Variants in ZSCAN5A observed in about 807,000 individuals in gnomAD.
The protein encoded by ZSCAN5A is zinc finger and SCAN domain-containing protein 5A.
ZSCAN5A carries 12 observed loss-of-function variants against 23.7 expected under a neutral mutation model. That is an observed-to-expected ratio of 0.51 (90% confidence interval 0.32 to 0.82). The LOEUF (loss-of-function observed/expected upper bound fraction) is 0.82, where lower values mean the gene tolerates loss of function less well. ZSCAN5A is among the 40% of genes least tolerant of loss of function. The pLI, the probability that ZSCAN5A is intolerant of heterozygous loss-of-function variation, is 0.03. For synonymous variants in ZSCAN5A, 257 were observed against 239.9 expected (o/e 1.07, Z -0.66); for missense variants, 597 against 617.9 (o/e 0.97, Z 0.36).
chr19:56,248,848 A>G (rs1186506441), intron 2 of ZSCAN5A, among the ~76,000 whole-genome samples: 2 of 151,916 alleles, frequency 1.3e-5, no homozygotes, highest in African/African-American at 2.4e-5. Flanking sequence ...TCCCCAGCAG[A>G]GCGGTGCACC....
intron 2 of ZSCAN5A, chr19:56,321,448 A>G (rs2041374835): frequency 2.9e-6 from 2 of 681,148 alleles, no homozygotes; most frequent in African/African-American, 1.8e-5. Context: ...AACGGCATTG[A>G]TAACACACTT....
chr19:56,279,349 A>G (rs1198737595), intron 2 of ZSCAN5A, among the ~76,000 whole-genome samples: 1 of 152,134 alleles, frequency 6.6e-6, no homozygotes, highest in Non-Finnish European at 1.5e-5. Flanking sequence ...TACTTTACTC[A>G]ATCTGTTTAT....
At chr19:56,320,814 A>AG (rs1484369296) in intron 2 of ZSCAN5A, 11 of 793,208 alleles carry the variant, frequency 1.4e-5, no homozygotes, top group Non-Finnish European at 2.1e-5. Context: ...TTATCACCAT[A>AG]GGTGGCAGCA....
At chr19:56,342,309 C>CA (rs33977976) in intron 2 of ZSCAN5A, 130,213 of 148,780 alleles carry the variant, frequency 0.88, 57,773 homozygotes, top group Non-Finnish European at 0.95. Context: ...AGCTGTCTTA[C>CA]AAAAAAAAAA....
chr19:56,311,885 C>G (rs1319431684), intron 2 of ZSCAN5A: 3 of 152,088 alleles, frequency 2.0e-5, no homozygotes, highest in African/African-American at 7.2e-5. Context: ...TTCACGTGTT[C>G]TAAATAAGAT....
At chr19:56,316,042 T>G (rs2041305858), upstream of ZSCAN5A, 1 of 152,214 alleles carries the variant, frequency 6.6e-6, no homozygotes, top group Non-Finnish European at 1.5e-5. Flanking sequence ...CGAGCAGTGG[T>G]GTTGTTCTCT....
chr19:56,275,385 C>A (rs2038170192), intron 2 of ZSCAN5A, among the ~76,000 whole-genome samples: 1 of 152,124 alleles, frequency 6.6e-6, no homozygotes, highest in South Asian at 2.1e-4. Flanking sequence ...TTTTCTTCTC[C>A]ATTTATTTAT....
chr19:56,334,535 T>C (rs913683605), intron 2 of ZSCAN5A, among the ~76,000 whole-genome samples: 1 of 152,234 alleles, frequency 6.6e-6, no homozygotes, highest in African/African-American at 2.4e-5. Context: ...GATATAAGCA[T>C]GCAATGCATA....
chr19:56,319,498 G>GAAAAAA (rs57164685), upstream of ZSCAN5A, among the ~76,000 whole-genome samples: 22 of 78,422 alleles, frequency 2.8e-4, 1 homozygote, highest in East Asian at 1.5e-3. Flanking sequence ...TCCATCTCGG[G>GAAAAAA]AAAAAAAAAA....
intron 2 of ZSCAN5A, among the ~76,000 whole-genome samples, chr19:56,362,304 T>A (rs921836008): frequency 2.0e-5 from 3 of 151,690 alleles, no homozygotes; most frequent in African/African-American, 7.2e-5. Context: ...CTATGGCTTG[T>A]GCCTGTAATT....
chr19:56,232,111 C>G (rs530721934), intron 2 of ZSCAN5A, among the ~76,000 whole-genome samples: 5 of 150,948 alleles, frequency 3.3e-5, no homozygotes, highest in South Asian at 2.1e-4. Context: ...CCTCAGCCCC[C>G]CCAGGTGGCT....
intron 2 of ZSCAN5A, chr19:56,354,749 A>G (rs1027539655): frequency 2.6e-5 from 4 of 152,580 alleles, no homozygotes; most frequent in African/African-American, 9.6e-5. Flanking sequence ...CTCTTCCCCA[A>G]GTCATTCTTG....
At position 56,346,318 on chromosome 19, in the gene ZSCAN5A, G is replaced by A. The variant is rs74688824; in HGVS notation, c.-358+16917C>T. Among the ~76,000 whole-genome samples, 855 of 152,198 alleles carry A rather than the reference G, an allele frequency of 5.6e-3. 8 individuals carry two copies. Among genetic ancestry groups the A allele is most frequent in the African/African-American group, 0.019 (778 of 41,518 alleles). On this transcript the variant is annotated intron_variant, in intron 2 of 6. Transcript: ENST00000587340. ...TGGTAACAAGAAATGAAGACCAGCT[G>A]GTTGCTACTCTTCTCTTTGGCCAAG...
intron 2 of ZSCAN5A, among the ~76,000 whole-genome samples, chr19:56,286,170 C>A (rs1471264195): frequency 6.6e-6 from 1 of 151,992 alleles, no homozygotes; most frequent in Non-Finnish European, 1.5e-5. Flanking sequence ...TACAGGCGCC[C>A]ACCACCATGC....
chr19:56,367,664 C>T (rs1004924701), intron 1 of ZSCAN5A, among the ~76,000 whole-genome samples: 1 of 152,196 alleles, frequency 6.6e-6, no homozygotes, highest in Non-Finnish European at 1.5e-5. Context: ...AGCACTTAAT[C>T]CTCGCAACAC....
chr19:56,300,320 A>G (rs1400413946), intron 2 of ZSCAN5A, among the ~76,000 whole-genome samples: 1 of 152,220 alleles, frequency 6.6e-6, no homozygotes, highest in Non-Finnish European at 1.5e-5. Flanking sequence ...CTCAAGTTAA[A>G]GAACTTGACA....
chr19:56,350,299 A>G (rs1320719623), intron 2 of ZSCAN5A, among the ~76,000 whole-genome samples: 1 of 152,256 alleles, frequency 6.6e-6, no homozygotes, highest in Non-Finnish European at 1.5e-5. Flanking sequence ...ATAAAGGAAG[A>G]GATTTTATGT....
At chr19:56,353,562 G>A (rs1400211987) in intron 2 of ZSCAN5A, among the ~76,000 whole-genome samples, 1 of 152,084 alleles carries the variant, frequency 6.6e-6, no homozygotes, top group Non-Finnish European at 1.5e-5. Flanking sequence ...GAGGTCAGGA[G>A]GTCAGGAGAT....
chr19:56,356,970 A>C (rs2041703943), intron 2 of ZSCAN5A, among the ~76,000 whole-genome samples: 1 of 148,854 alleles, frequency 6.7e-6, no homozygotes, highest in African/African-American at 2.5e-5. Context: ...TGTTTCTAAG[A>C]TTACCTTGAT....
Sources: gnomAD v4.1 joint callset for allele counts (sites outside exome capture counted in the v4.1 genomes callset) on GRCh38, gnomAD v4.1.1 for gene constraint, MANE v1.5 for transcripts, NCBI Gene and HGNC (gene_info 2026-07-23, HGNC 2026-07-21) for gene names.